The following PLEKHH1 variants were observed in gnomAD, a reference collection of about 807,000 sequenced individuals.
The protein encoded by PLEKHH1 is pleckstrin homology, MyTH4 and FERM domain containing H1.
PLEKHH1 carries 104 observed loss-of-function variants against 160.0 expected under a neutral mutation model. That is an observed-to-expected ratio of 0.65 (90% CI 0.55 to 0.76). The LOEUF (loss-of-function observed/expected upper bound fraction) is 0.76. Ranked by LOEUF, PLEKHH1 falls within the 30% of genes least tolerant of loss-of-function variation. PLEKHH1 has a pLI of 0.00. For missense variants in PLEKHH1, 1,427 were observed against 1,724.1 expected (o/e 0.83, Z 3.05); for synonymous variants, 619 against 678.4 (o/e 0.91, Z 1.36).
chr14:67,535,417 G>A (rs1233181268), intron 1 of PLEKHH1, among the ~76,000 whole-genome samples: 12 of 110,326 alleles, frequency 1.1e-4, no homozygotes, highest in Admixed American at 1.5e-4. Flanking sequence ...GTCTCGCTCT[G>A]TTGCCCAGGC....
Position 67,575,602 on chromosome 14 carries a change from C to G in PLEKHH1, c.2169+130C>G, listed in dbSNP as rs1257047124. On this transcript the variant is annotated intron_variant, in intron 15 of 28. Coordinates refer to ENST00000329153, the MANE Select transcript of PLEKHH1 (RefSeq NM_020715.3). ...TAAATACAAAATCAGTTGGCTGGATCCCTCCAGAGTGTGAGATTCTGCCTG... is the reference window on the plus strand; with the variant it reads ...TAAATACAAAATCAGTTGGCTGGATGCCTCCAGAGTGTGAGATTCTGCCTG... 1.5e-5 allele frequency: 11 copies of G among 750,644 alleles called. No individual in the cohort carries two copies. In the East Asian group the frequency reaches 2.9e-4, roughly 20 times the overall value. 46.5% of individuals were successfully genotyped at this position (750,644 alleles called of 1,614,324 possible). A position where few individuals can be genotyped will look rare whatever the true frequency, so the allele number is the denominator to read the frequency against.
At chr14:67,557,154 C>T in intron 3 of PLEKHH1, 115 bp from the exon 4 acceptor site, 1 of 755,216 alleles carries the variant, frequency 1.3e-6, no homozygotes, top group South Asian at 1.8e-5. Context: ...TGGGTAAGGG[C>T]TGTGCCTGGG....
Position 67,577,403 on chromosome 14 carries a change from A to G in PLEKHH1, c.2563A>G (p.Lys855Glu). Reference sequence around the variant, plus strand: ...TGAGGCCTTGCAGACGGAGGCCCTCAAGCTCTTCAAGGTAAATTGGGGTGG... The same window carrying G: ...TGAGGCCTTGCAGACGGAGGCCCTCGAGCTCTTCAAGGTAAATTGGGGTGG... ...PSEALQTEAL[K>E]LFKSCQLFIN... Residue 855 changes from lysine (K) to glutamate (E), a missense_variant, in exon 18 of 29, where the codon AAG becomes GAG. Physicochemically the swap from Lys to Glu is moderately conservative, Grantham distance 56. This residue lies in a region of PLEKHH1 where 436 missense variants were observed against 607.5 expected (regional missense o/e 0.72). Coordinates refer to ENST00000329153, the MANE Select transcript of PLEKHH1 (RefSeq NM_020715.3). 6.3e-7 allele frequency: 1 copy of G among 1,578,496 alleles called. No homozygotes were observed. Among genetic ancestry groups the G allele is most frequent in the Non-Finnish European group, 8.6e-7 (1 of 1,161,380 alleles).
Position 67,555,898 on chromosome 14 carries a change from G to C in PLEKHH1, c.189+11G>C. 6.2e-7 allele frequency: 1 copy of C among 1,613,060 alleles called. No homozygotes were observed. Among genetic ancestry groups the C allele is most frequent in the Non-Finnish European group, 8.5e-7 (1 of 1,179,506 alleles). ...AACGCTGAGACCCAGGTAACCAGGG[G>C]AGGGGATCGGCGGGAATATGCAGGG... On this transcript the variant is annotated intron_variant, in intron 3 of 28. Coordinates refer to ENST00000329153, the MANE Select transcript of PLEKHH1 (RefSeq NM_020715.3).
intron 2 of PLEKHH1, among the ~76,000 whole-genome samples, chr14:67,554,207 C>T (rs529423425): frequency 6.6e-6 from 1 of 152,196 alleles, no homozygotes. Context: ...TGTAACTTTC[C>T]TCTCACTGTC....
intron 2 of PLEKHH1, among the ~76,000 whole-genome samples, chr14:67,550,143 C>T (rs2034337701): frequency 1.5e-5 from 2 of 135,188 alleles, no homozygotes; most frequent in Admixed American, 1.6e-4. Context: ...TTTAATTGAA[C>T]AAAAGATCTG....
chr14:67,563,590 C>T (rs1304910041), intron 7 of PLEKHH1, among the ~76,000 whole-genome samples: 4 of 150,918 alleles, frequency 2.7e-5, no homozygotes, highest in African/African-American at 4.9e-5. Flanking sequence ...TGCACCACCA[C>T]GCCCAGCTAA....
chr14:67,571,840 C>T lies in PLEKHH1; in HGVS notation c.1523C>T (p.Ser508Leu), dbSNP rs542557833. 1.7e-5 allele frequency: 28 copies of T among 1,613,860 alleles called. No homozygotes were observed. The South Asian group carries it at 1.8e-4, about 10-fold the overall frequency. The change falls in exon 10 of 29, where the codon TCG (serine) becomes TTG (leucine). Residue 508 changes from serine (S) to leucine (L), a missense_variant. By Grantham distance (145) the Ser-to-Leu change is moderately radical. Transcript: ENST00000329153. ...DCSSQASFRI[S>L]VPSSESRKTS... is the part of the protein sequence containing the mutation. ...AGCTCTCAGGCGAGTTTCCGAATCT[C>T]GGTCCCCTCCTCTGAGTCCAGGAAG...
intron 2 of PLEKHH1, among the ~76,000 whole-genome samples, chr14:67,542,972 A>G (rs1182646875): frequency 6.6e-6 from 1 of 152,130 alleles, no homozygotes; most frequent in African/African-American, 2.4e-5. Flanking sequence ...CAGCCTCTCA[A>G]AGTGCTGGGA....
At chr14:67,542,952 G>C (rs753557863) in intron 2 of PLEKHH1, among the ~76,000 whole-genome samples, 1 of 152,094 alleles carries the variant, frequency 6.6e-6, no homozygotes, top group Admixed American at 6.5e-5. Context: ...CTCGCCTCAG[G>C]TGATCACCTC....
chr14:67,559,680 A>C lies in PLEKHH1; in HGVS notation c.412A>C (p.Lys138Gln). Residue 138 changes from lysine (K) to glutamine (Q), a missense_variant, in exon 5 of 29, where the codon AAG (lysine) becomes CAG (glutamine). Lys to Gln is a moderately conservative substitution (Grantham distance 53, BLOSUM62 1). This residue lies in a region of PLEKHH1 where 831 missense variants were observed against 929.2 expected (regional missense o/e 0.89). Coordinates refer to ENST00000329153, the MANE Select transcript of PLEKHH1 (RefSeq NM_020715.3). The stretch of plus-strand genomic sequence containing the variant: ...AAAGATCAAGGAATGGGTGACACTC[A>C]AGTTGGCAAAGGTGGGTTGGAAACT... ...AAKIKEWVTLKLAKLEMENQH... is the reference protein window; with the variant it reads ...AAKIKEWVTLQLAKLEMENQH... The C allele has an allele frequency of 6.2e-7, 1 of 1,603,780 alleles. No individual in the cohort carries two copies. Among genetic ancestry groups the C allele is most frequent in the South Asian group, 1.1e-5 (1 of 88,698 alleles).
chr14:67,536,558 A>G (rs555234826), intron 1 of PLEKHH1, among the ~76,000 whole-genome samples: 1 of 151,822 alleles, frequency 6.6e-6, no homozygotes, highest in South Asian at 2.1e-4. Context: ...GATAGAGGCA[A>G]TGAGCTATTT....
intron 2 of PLEKHH1, among the ~76,000 whole-genome samples, chr14:67,545,258 C>T (rs1037038182): frequency 2.0e-5 from 3 of 152,174 alleles, no homozygotes; most frequent in African/African-American, 7.2e-5. Flanking sequence ...ATCTTATTCA[C>T]ATGGTTATAC....
chr14:67,574,740 C>G lies in PLEKHH1; in HGVS notation c.2088+337C>G, dbSNP rs923885397. 6.6e-6 allele frequency among the ~76,000 whole-genome samples: 1 copy of G among 152,032 alleles called. No individual in the cohort carries two copies. Among genetic ancestry groups the G allele is most frequent in the African/African-American group, 2.4e-5 (1 of 41,374 alleles). The stretch of plus-strand genomic sequence containing the variant: ...TAATAGTGGGAGGAAGAGGCCTGGG[C>G]GAGGTAGGTATGGCTCCTCAAAGAC... On this transcript the variant is annotated intron_variant, in intron 14 of 28. Coordinates refer to ENST00000329153, the MANE Select transcript of PLEKHH1 (RefSeq NM_020715.3). The surrounding 1 kb of genome is among the most constrained non-coding windows in gnomAD (Gnocchi z 4.2).
At position 67,562,496 on chromosome 14, in the gene PLEKHH1, G is replaced by A. The variant is rs1436708477; in HGVS notation, c.865G>A (p.Ala289Thr). ...TTCCTGGGGTGAGGGTCTGGTTACT[G>A]CTCAGAGAGGGATGCTCCCTGGGAC... The part of the protein sequence containing the change: ...SASWGEGLVT[A>T]QRGMLPGTKT... Residue 289 changes from alanine to threonine, a missense_variant, in exon 7 of 29, where the codon GCT (alanine) becomes ACT (threonine). By Grantham distance (58) the Ala-to-Thr change is moderately conservative. Transcript: ENST00000329153. 1 of 1,612,460 alleles carries A rather than the reference G, an allele frequency of 6.2e-7. No homozygotes were observed. The highest frequency in any genetic ancestry group is 8.5e-7 in the Non-Finnish European group (1 of 1,178,744).
intron 11 of PLEKHH1, 22 bp downstream of exon 11, chr14:67,572,299 G>T (rs770244230): frequency 1.3e-6 from 2 of 1,569,942 alleles, no homozygotes; most frequent in Non-Finnish European, 1.7e-6. Flanking sequence ...AACGGGCGGG[G>T]GCAGGGTGGA....
intron 27 of PLEKHH1, 44 bp downstream of exon 27, chr14:67,585,698 A>G (rs764390011): frequency 1.5e-6 from 2 of 1,365,734 alleles, no homozygotes; most frequent in East Asian, 5.0e-5. Context: ...CCTCTTCCTC[A>G]ACATGGTCTT....
At chr14:67,561,731 C>T (rs747855893) in intron 5 of PLEKHH1, among the ~76,000 whole-genome samples, 2 of 150,206 alleles carry the variant, frequency 1.3e-5, no homozygotes, top group Non-Finnish European at 3.0e-5. Context: ...TTAACTGGGC[C>T]TGGTGGTGTG....
chr14:67,583,134 A>G (rs2035981657), intron 24 of PLEKHH1, among the ~76,000 whole-genome samples: 1 of 152,290 alleles, frequency 6.6e-6, no homozygotes, highest in South Asian at 2.1e-4. Flanking sequence ...TTTAAAAAAG[A>G]ATAAGAATCT....
Sources: allele counts gnomAD v4.1 joint callset (sites outside exome capture counted in the v4.1 genomes callset), GRCh38; gene constraint gnomAD v4.1.1; regional missense constraint gnomAD v4.1.1; non-coding constraint Gnocchi (gnomAD v3.1); transcripts MANE v1.5; gene names NCBI Gene and HGNC (gene_info 2026-07-23, HGNC 2026-07-21).